DIP2C: variants seen among roughly 807,000 people sequenced by gnomAD.
The protein encoded by DIP2C is DIP2 acetate--CoA ligase C (putative).
Under a neutral mutation model 192.4 loss-of-function variants are expected in DIP2C, and 33 were observed. The ratio of observed to expected loss-of-function variants is 0.17; its 90% CI spans 0.13 to 0.23. DIP2C has a LOEUF of 0.23. DIP2C is among the 10% of genes least tolerant of loss of function. DIP2C has a pLI of 1.00. For synonymous variants in DIP2C, 979 were observed against 864.1 expected, an observed-to-expected ratio of 1.13 and a Z score of -2.33; for missense variants, 1,537 against 2,110.1, an observed-to-expected ratio of 0.73 and a Z score of 5.32.
intron 1 of DIP2C, among the ~76,000 whole-genome samples, chr10:588,470 G>C (rs1588533865): frequency 6.6e-6 from 1 of 152,380 alleles, no homozygotes; most frequent in East Asian, 1.9e-4. Context: ...GAGCACTCAT[G>C]CTGGAATGAG....
chr10:499,356 C>G (rs1845070762), intron 1 of DIP2C, among the ~76,000 whole-genome samples: 1 of 152,212 alleles, frequency 6.6e-6, no homozygotes, highest in South Asian at 2.1e-4. Context: ...CTGCATCAGT[C>G]TGTTTTCACG....
chr10:518,561 C>G (rs897359566), intron 1 of DIP2C, among the ~76,000 whole-genome samples: 8 of 152,144 alleles, frequency 5.3e-5, no homozygotes, highest in African/African-American at 1.9e-4. Flanking sequence ...GGCCCAGCAA[C>G]TCTCTTGCCC....
At chr10:515,648 C>CG (rs1325416119) in intron 1 of DIP2C, among the ~76,000 whole-genome samples, 2 of 152,066 alleles carry the variant, frequency 1.3e-5, no homozygotes, top group African/African-American at 4.8e-5. Flanking sequence ...TGCCTGAACC[C>CG]GGGAGGCAGA....
At chr10:468,932 C>CA (rs1437156899) in intron 3 of DIP2C, among the ~76,000 whole-genome samples, 2 of 152,210 alleles carry the variant, frequency 1.3e-5, no homozygotes, top group Admixed American at 6.5e-5. Flanking sequence ...CAAATTCTAC[C>CA]ACCTGTAACC....
intron 1 of DIP2C, among the ~76,000 whole-genome samples, chr10:618,264 AAC>A: frequency 6.6e-6 from 1 of 152,342 alleles, no homozygotes; most frequent in South Asian, 2.1e-4. Context: ...ATCTCTAAGA[AAC>A]AGGTTTTTTT....
At chr10:285,843 A>T (rs1032014285) in intron 34 of DIP2C, among the ~76,000 whole-genome samples, 2 of 152,252 alleles carry the variant, frequency 1.3e-5, no homozygotes, top group Non-Finnish European at 2.9e-5. Flanking sequence ...TCTGATCTGA[A>T]ATAAACACAT....
chr10:679,064 G>A (rs1270049199), intron 1 of DIP2C, among the ~76,000 whole-genome samples: 2 of 6,604 alleles, frequency 3.0e-4, no homozygotes, highest in Non-Finnish European at 9.3e-4. Flanking sequence ...CGTCCTCCCC[G>A]CGCCCATGCT....
Position 479,798 on chromosome 10 carries a change from G to A in DIP2C, c.157+6661C>T, listed in dbSNP as rs536064220. 7.9e-5 allele frequency among the ~76,000 whole-genome samples: 12 copies of A among 152,342 alleles called. No individual in the cohort carries two copies. In the South Asian group the frequency reaches 1.9e-3, roughly 24 times the overall value. On this transcript the variant is annotated intron_variant, in intron 2 of 36. Coordinates refer to ENST00000280886, the MANE Select transcript of DIP2C (RefSeq NM_014974.3). Reference sequence around the variant, plus strand: ...CCAGGGACGGGAGAGTCTGACGTCTGCATCTCATCCGCCAGCCTGAGCTCC... The same window carrying A: ...CCAGGGACGGGAGAGTCTGACGTCTACATCTCATCCGCCAGCCTGAGCTCC...
intron 17 of DIP2C, among the ~76,000 whole-genome samples, chr10:373,917 G>A (rs1430517310): frequency 6.6e-6 from 1 of 152,178 alleles, no homozygotes; most frequent in Non-Finnish European, 1.5e-5. Flanking sequence ...CCAGAGCTCA[G>A]GGCCTTCGCA....
chr10:577,337 G>A (rs1850234032), intron 1 of DIP2C, among the ~76,000 whole-genome samples: 2 of 152,202 alleles, frequency 1.3e-5, no homozygotes, highest in Admixed American at 1.3e-4. Flanking sequence ...TATCGGTACT[G>A]TAACTAGAAA....
rs1418929254 is a variant in DIP2C at position 349,317 on chromosome 10, C to CCCTGCGCCTGTA, written c.3109+2_3109+13dup. On this transcript the variant is annotated intron_variant, in intron 25 of 36. Coordinates refer to ENST00000280886, the MANE Select transcript of DIP2C (RefSeq NM_014974.3). ...CTTGCCATCTCTCAGGGGAAGCCCA[C>CCCTGCGCCTGTA]CCTGCGCCTGTACCTGGGGGGTAGA... The CCCTGCGCCTGTA allele has an allele frequency of 6.3e-7, 1 of 1,598,210 alleles. No individual in the cohort carries two copies. The highest frequency in any genetic ancestry group is 1.3e-5 in the African/African-American group (1 of 74,806).
intron 29 of DIP2C, among the ~76,000 whole-genome samples, chr10:331,347 A>C (rs1957500853): frequency 1.3e-5 from 2 of 152,222 alleles, no homozygotes; most frequent in African/African-American, 4.8e-5. Flanking sequence ...CAAATGTGAC[A>C]AAGGCGTTTT....
At chr10:601,890 G>C (rs369889513) in intron 1 of DIP2C, among the ~76,000 whole-genome samples, 20 of 152,284 alleles carry the variant, frequency 1.3e-4, no homozygotes, top group African/African-American at 4.3e-4. Flanking sequence ...AGGAGAGAAC[G>C]GGAGGAACCA....
At chr10:653,750 A>G (rs1588688743) in intron 1 of DIP2C, among the ~76,000 whole-genome samples, 1 of 152,338 alleles carries the variant, frequency 6.6e-6, no homozygotes, top group African/African-American at 2.4e-5. Flanking sequence ...CTGTGGCCCT[A>G]ACCTCCGAGG....
intron 17 of DIP2C, among the ~76,000 whole-genome samples, chr10:377,187 A>T (rs999841714): frequency 6.6e-6 from 1 of 150,560 alleles, no homozygotes; most frequent in African/African-American, 2.5e-5. Context: ...CAGATACTTA[A>T]TTTTTTGTTA....
Position 356,521 on chromosome 10 carries a change from G to A in DIP2C, c.2905-15C>T, listed in dbSNP as rs753685128. 3.9e-5 allele frequency: 62 copies of A among 1,605,502 alleles called. No individual in the cohort carries two copies. The Middle Eastern group carries it at 9.9e-4, about 26-fold the overall frequency. ...AGGAACAGGAACTGGAACAGAGCACGGGCATGAGGATCAGGCTGTGCGGTT... is the reference window on the plus strand; with the variant it reads ...AGGAACAGGAACTGGAACAGAGCACAGGCATGAGGATCAGGCTGTGCGGTT... On this transcript the variant is annotated splice_polypyrimidine_tract_variant and intron_variant, in intron 23 of 36. Coordinates refer to ENST00000280886, the MANE Select transcript of DIP2C (RefSeq NM_014974.3).
At chr10:603,763 C>A (rs74115074) in intron 1 of DIP2C, among the ~76,000 whole-genome samples, 16,326 of 152,192 alleles carry the variant, frequency 0.11, 1,256 homozygotes, top group African/African-American at 0.21. Context: ...TTACCACACA[C>A]GCAGACCTCC....
intron 1 of DIP2C, among the ~76,000 whole-genome samples, chr10:606,004 ACT>A (rs1462536391): frequency 9.2e-5 from 14 of 151,420 alleles, no homozygotes; most frequent in South Asian, 4.2e-4. Flanking sequence ...CTCCTGTAAG[ACT>A]CTCTGCAGCC....
chr10:309,843 G>A (rs140491060), intron 32 of DIP2C, among the ~76,000 whole-genome samples, 188 bp downstream of exon 32: 1 of 152,076 alleles, frequency 6.6e-6, no homozygotes, highest in Non-Finnish European at 1.5e-5. Flanking sequence ...GAGCCACCAT[G>A]CCTGGCCAGA....
Sources: gnomAD v4.1 joint callset for allele counts (sites outside exome capture counted in the v4.1 genomes callset) on GRCh38, gnomAD v4.1.1 for gene constraint, MANE v1.5 for transcripts, NCBI Gene and HGNC (gene_info 2026-07-23, HGNC 2026-07-21) for gene names.